Variants in OPCML observed in about 807,000 individuals in gnomAD.
The protein encoded by OPCML is opioid-binding protein/cell adhesion molecule.
OPCML carries 13 observed loss-of-function variants against 37.8 expected under a neutral mutation model. The observed-to-expected ratio is 0.34, with a 90% CI of 0.22 to 0.55. The LOEUF is 0.55. Ranked by LOEUF, OPCML falls within the 20% of genes least tolerant of loss-of-function variation. The pLI, the probability that OPCML is intolerant of heterozygous loss-of-function variation, is 0.91. For missense variants in OPCML, 341 were observed against 435.6 expected (o/e 0.78, Z 1.93); for synonymous variants, 176 against 168.8 (o/e 1.04, Z -0.33).
At chr11:133,419,612 C>T (rs1243597123) in intron 1 of OPCML, among the ~76,000 whole-genome samples, 1 of 152,098 alleles carries the variant, frequency 6.6e-6, no homozygotes, top group South Asian at 2.1e-4. Flanking sequence ...CTACTGTGCC[C>T]CCTTCTGAAC....
In OPCML at chr11:132,796,201, G is replaced by C. The variant is rs558293817; in HGVS notation, c.147-138882C>G. ...GAGGTTCCAGAATCAATTCTCCATG[G>C]ATACCAAGAGACAAATGCACTTCAT... On this transcript the variant is annotated intron_variant, in intron 2 of 7. Coordinates refer to ENST00000524381, the MANE Select transcript of OPCML (RefSeq NM_001012393.5). Among the ~76,000 whole-genome samples, 7 of 152,224 alleles carry C rather than the reference G, an allele frequency of 4.6e-5. No individual in the cohort carries two copies. The East Asian group carries it at 1.4e-3, about 29-fold the overall frequency.
At chr11:133,029,896 T>C (rs1947634249) in intron 1 of OPCML, among the ~76,000 whole-genome samples, 1 of 152,158 alleles carries the variant, frequency 6.6e-6, no homozygotes. Context: ...ATTCATTATC[T>C]ATAGCAATCT....
chr11:133,497,976 C>T (rs1947821345), intron 1 of OPCML, among the ~76,000 whole-genome samples: 1 of 152,228 alleles, frequency 6.6e-6, no homozygotes, highest in African/African-American at 2.4e-5. Flanking sequence ...GGTCAGAAGG[C>T]TTCCCAGGCT....
chr11:133,059,283 G>A (rs1463589759), intron 1 of OPCML, among the ~76,000 whole-genome samples: 5 of 152,186 alleles, frequency 3.3e-5, no homozygotes, highest in South Asian at 4.1e-4. Flanking sequence ...AAGGATCTGC[G>A]GATTCTTTCA....
intron 4 of OPCML, among the ~76,000 whole-genome samples, chr11:132,476,822 C>A (rs1432986772): frequency 6.6e-6 from 1 of 150,936 alleles, no homozygotes; most frequent in Non-Finnish European, 1.5e-5. Flanking sequence ...CACATGTACC[C>A]TAAAATTTAA....
chr11:132,630,790 G>A (rs765129506), intron 3 of OPCML, among the ~76,000 whole-genome samples: 78 of 152,068 alleles, frequency 5.1e-4, no homozygotes, highest in Non-Finnish European at 1.0e-3. Context: ...AAATAGGAAC[G>A]ATGTCCACAA....
At chr11:132,448,900 G>A (rs1228838119) in intron 4 of OPCML, among the ~76,000 whole-genome samples, 1 of 152,178 alleles carries the variant, frequency 6.6e-6, no homozygotes, top group Non-Finnish European at 1.5e-5. Context: ...TGCATCAGAT[G>A]ACCTCCAAGG....
chr11:132,839,788 G>C (rs1941209708), intron 2 of OPCML, among the ~76,000 whole-genome samples: 1 of 152,190 alleles, frequency 6.6e-6, no homozygotes, highest in African/African-American at 2.4e-5. Context: ...TTCGGCAACT[G>C]ATCTGATGGT....
At chr11:132,994,017 G>T (rs1300139722) in intron 1 of OPCML, among the ~76,000 whole-genome samples, 4 of 152,248 alleles carry the variant, frequency 2.6e-5, no homozygotes, top group Admixed American at 6.5e-5. Flanking sequence ...GAGACGTCTG[G>T]ATGTGATTCC....
intron 2 of OPCML, among the ~76,000 whole-genome samples, chr11:132,805,431 C>A (rs1938944836): frequency 6.6e-6 from 1 of 152,070 alleles, no homozygotes; most frequent in Non-Finnish European, 1.5e-5. Context: ...GAAACCAGAC[C>A]AACCTATTGA....
rs1157525952 is a variant in OPCML at position 132,415,419 on chromosome 11, A to C, written c.*4774T>G. 6.6e-6 allele frequency: 1 copy of C among 152,250 alleles called. No homozygotes were observed. The highest frequency in any genetic ancestry group is 1.5e-5 in the Non-Finnish European group (1 of 68,042). The allele number at this position is 152,250 out of a possible 1,614,324, so 9.4% of individuals were successfully genotyped here. Reference sequence around the variant, plus strand: ...TCACAACTGCACTTGACATGTCACGAAAATTTCCGAACGATTAAAAATGCT... The same window carrying C: ...TCACAACTGCACTTGACATGTCACGCAAATTTCCGAACGATTAAAAATGCT... On this transcript the variant is annotated 3_prime_UTR_variant, in exon 8 of 8. Coordinates refer to ENST00000524381, the MANE Select transcript of OPCML (RefSeq NM_001012393.5).
chr11:132,762,854 T>G (rs1182465093), intron 2 of OPCML, among the ~76,000 whole-genome samples: 1 of 152,098 alleles, frequency 6.6e-6, no homozygotes, highest in East Asian at 1.9e-4. Context: ...CACGTGCCAC[T>G]GAGGTACAAA....
intron 1 of OPCML, among the ~76,000 whole-genome samples, chr11:133,194,163 G>A (rs1049114813): frequency 2.0e-5 from 3 of 150,654 alleles, no homozygotes; most frequent in Non-Finnish European, 2.9e-5. Context: ...CATTGAAGCC[G>A]ATGGCCATTC....
At chr11:133,352,440 G>A (rs1944162329) in intron 1 of OPCML, among the ~76,000 whole-genome samples, 1 of 152,184 alleles carries the variant, frequency 6.6e-6, no homozygotes, top group Non-Finnish European at 1.5e-5. Context: ...AGCCTTCTCT[G>A]AATGCCTGTG....
At chr11:132,641,852 A>G (rs1940869072) in intron 3 of OPCML, among the ~76,000 whole-genome samples, 1 of 152,068 alleles carries the variant, frequency 6.6e-6, no homozygotes, top group Non-Finnish European at 1.5e-5. Context: ...CAATTCTGTG[A>G]TTAGTTGTTG....
chr11:133,110,887 C>T (rs60411277), intron 1 of OPCML, among the ~76,000 whole-genome samples: 10,608 of 152,152 alleles, frequency 0.07, 1,233 homozygotes, highest in African/African-American at 0.24. Context: ...GGGTTAGAAA[C>T]CTGACTCTGA....
At chr11:132,441,158 C>CTTTTTTGTTTTTTTTTTTTT in intron 4 of OPCML, among the ~76,000 whole-genome samples, 1 of 108,058 alleles carries the variant, frequency 9.3e-6, no homozygotes, top group Non-Finnish European at 1.8e-5. Context: ...TCACCAAGGA[C>CTTTTTTGTTTTTTTTTTTTT]TTTTTTGTTT....
intron 2 of OPCML, among the ~76,000 whole-genome samples, chr11:132,848,025 C>T (rs1199375696): frequency 1.3e-5 from 2 of 152,038 alleles, no homozygotes; most frequent in African/African-American, 4.8e-5. Flanking sequence ...TGGACATGGA[C>T]AGTGAAATTG....
At chr11:132,546,507 C>T (rs2096368960) in intron 3 of OPCML, among the ~76,000 whole-genome samples, 1 of 152,156 alleles carries the variant, frequency 6.6e-6, no homozygotes, top group Admixed American at 6.5e-5. Context: ...GCTTAGCTCC[C>T]ACTTATGAGT....
Sources: allele counts gnomAD v4.1 joint callset (sites outside exome capture counted in the v4.1 genomes callset), GRCh38; gene constraint gnomAD v4.1.1; transcripts MANE v1.5; gene names NCBI Gene and HGNC (gene_info 2026-07-23, HGNC 2026-07-21).